The following DPAGT1 variants were observed in gnomAD, a reference collection of about 807,000 sequenced individuals.
DPAGT1 encodes dolichyl-phosphate N-acetylglucosaminephosphotransferase 1.
DPAGT1 carries 25 observed loss-of-function variants against 39.3 expected under a neutral mutation model. That is an observed-to-expected ratio of 0.64 (90% CI 0.46 to 0.89). The LOEUF (loss-of-function observed/expected upper bound fraction) is 0.89. Ranked by LOEUF, DPAGT1 falls within the 40% of genes least tolerant of loss-of-function variation. The pLI is 0.00. For synonymous variants in DPAGT1, 193 were observed against 201.4 expected (o/e 0.96, Z 0.36); for missense variants, 381 against 500.6 (o/e 0.76, Z 2.28).
downstream of DPAGT1, chr11:119,094,773 G>T: frequency 1.6e-6 from 1 of 613,440 alleles, no homozygotes; most frequent in Non-Finnish European, 2.7e-6. Flanking sequence ...CGGGACGGGA[G>T]CGGGGGCGGG....
downstream of DPAGT1, among the ~76,000 whole-genome samples, chr11:119,096,060 G>A (rs1946387119): frequency 6.6e-6 from 1 of 152,070 alleles, no homozygotes; most frequent in African/African-American, 2.4e-5. Flanking sequence ...CGAACTCCTG[G>A]GTTCAAGGAA....
At chr11:119,098,376 T>C in intron 5 of DPAGT1, 27 bp downstream of exon 5, 1 of 1,606,958 alleles carries the variant, frequency 6.2e-7, no homozygotes, top group Non-Finnish European at 8.5e-7. Context: ...TTCAGGTAGT[T>C]GTCCCCTTAT....
chr11:119,100,658 G>GC lies in DPAGT1; in HGVS notation c.467dup (p.Ile158AspfsTer34), dbSNP rs748732395. On this transcript the variant is annotated frameshift_variant, in exon 3 of 9. Transcript: ENST00000354202. LOFTEE classifies it high-confidence loss of function. ...AGTCCAGATGCAGGCCAAGTATCGGGCGGAAGGGCTTGGGCACCACAATGG... is the reference window on the plus strand; with the variant it reads ...AGTCCAGATGCAGGCCAAGTATCGGGCCGGAAGGGCTTGGGCACCACAATGG... 3 of 1,614,130 alleles carry GC rather than the reference G, an allele frequency of 1.9e-6. No individual in the cohort carries two copies. The South Asian group carries it at 3.3e-5, about 18-fold the overall frequency.
chr11:119,097,689 G>T lies in DPAGT1; in HGVS notation c.918-138C>A. The T allele has an allele frequency of 7.1e-7, 1 of 1,407,612 alleles. No individual in the cohort carries two copies. The highest frequency in any genetic ancestry group is 2.3e-5 in the East Asian group (1 of 43,852). 87.2% of individuals were successfully genotyped at this position (1,407,612 alleles called of 1,614,324 possible). A position where few individuals can be genotyped will look rare whatever the true frequency, so the allele number is the denominator to read the frequency against. On this transcript the variant is annotated intron_variant, in intron 6 of 8. Coordinates refer to ENST00000354202, the MANE Select transcript of DPAGT1 (RefSeq NM_001382.4). The surrounding 1 kb of genome is among the most constrained non-coding windows in gnomAD (Gnocchi z 4.6). ...GCTGCTTACTGTTATCAGAACCACTGTAGCAGATTATGCAAATAAATGTGC... is the reference window on the plus strand; with the variant it reads ...GCTGCTTACTGTTATCAGAACCACTTTAGCAGATTATGCAAATAAATGTGC...
Position 119,100,671 on chromosome 11 carries a change from G to A in DPAGT1, c.455C>T (p.Pro152Leu). 1 of 1,614,142 alleles carries A rather than the reference G, an allele frequency of 6.2e-7. No individual in the cohort carries two copies. Among genetic ancestry groups the A allele is most frequent in the Non-Finnish European group, 8.5e-7 (1 of 1,180,022 alleles). The part of the protein sequence containing the change: ...TNFGNTTIVV[P>L]KPFRPILGLH... ...GCCAAGTATCGGGCGGAAGGGCTTG[G>A]GCACCACAATGGTCGTGTTGCCAAA... Residue 152 changes from proline to leucine, a missense_variant, in exon 3 of 9, where the codon CCC becomes CTC. Physicochemically the swap from Pro to Leu is moderately conservative, Grantham distance 98. Coordinates refer to ENST00000354202, the MANE Select transcript of DPAGT1 (RefSeq NM_001382.4).
rs777530944 is a variant in DPAGT1, at chr11:119,097,277, C to T, written c.1026G>A (p.Leu342=). ...CAGTCTCACTCTGGTGTACTGTCACCAGCTGGAGGCTCTCTGCCACCTGGA... is the reference window on the plus strand; with the variant it reads ...CAGTCTCACTCTGGTGTACTGTCACTAGCTGGAGGCTCTCTGCCACCTGGA... ...FILKVAESLQ[L]VTVHQSETED... The change falls in exon 8 of 9, where the codon CTG becomes CTA. Residue 342 remains leucine (L), a synonymous_variant. Transcript: ENST00000354202. This position sits in a 1 kb window ranked among gnomAD's most constrained non-coding sequence, Gnocchi z 4.6. The T allele has an allele frequency of 4.3e-6, 7 of 1,614,072 alleles. No homozygotes were observed. Among genetic ancestry groups the T allele is most frequent in the African/African-American group, 4.0e-5 (3 of 74,904 alleles).
rs756625547 is a variant in DPAGT1 at position 119,097,950 on chromosome 11, G to A, written c.822C>T (p.Thr274=). ...VVGILGHFSK[T]MLLFFMPQVF... ...CCTGGGGCATGAAGAATAGTAGCATGGTCTTGCTGAAGTGTCCCAAGATGC... is the reference window on the plus strand; with the variant it reads ...CCTGGGGCATGAAGAATAGTAGCATAGTCTTGCTGAAGTGTCCCAAGATGC... Residue 274 remains threonine (T), a synonymous_variant, in exon 6 of 9, where the codon ACC becomes ACT. Coordinates refer to ENST00000354202, the MANE Select transcript of DPAGT1 (RefSeq NM_001382.4). The surrounding 1 kb of genome is among the most constrained non-coding windows in gnomAD (Gnocchi z 4.6). The A allele has an allele frequency of 2.3e-5, 37 of 1,614,204 alleles. No individual in the cohort carries two copies. In the South Asian group the frequency reaches 3.6e-4, roughly 16 times the overall value.
At chr11:119,100,469 T>A in intron 3 of DPAGT1, 61 bp from the exon 4 acceptor site, 1 of 1,613,048 alleles carries the variant, frequency 6.2e-7, no homozygotes, top group Non-Finnish European at 8.5e-7. Flanking sequence ...ATTTAAGAAT[T>A]TTTAGAAAAG....
rs934825511 is a variant in DPAGT1, at chr11:119,101,684, G to A, written c.-29C>T. ...GACCGGTCAGGGGCCCGGCTCCGCC[G>A]CCTCTTCAGGTAACGGGCAAGCTGA... On this transcript the variant is annotated 5_prime_UTR_variant, in exon 1 of 9. Transcript: ENST00000354202. The A allele has an allele frequency of 9.9e-6, 16 of 1,613,964 alleles. No individual in the cohort carries two copies. The East Asian group carries it at 3.6e-4, about 36-fold the overall frequency.
rs1384208152 is a variant in DPAGT1 at position 119,101,486 on chromosome 11, G to T, written c.161+9C>A. The T allele has an allele frequency of 6.2e-7, 1 of 1,613,986 alleles. No homozygotes were observed. The highest frequency in any genetic ancestry group is 2.2e-5 in the East Asian group (1 of 44,884). ...TGCCCCCTGCCCGGACCCGTGTGCC[G>T]CTGCTCACATCTGCTGTCGGCTGGT... On this transcript the variant is annotated intron_variant, in intron 1 of 8. Coordinates refer to ENST00000354202, the MANE Select transcript of DPAGT1 (RefSeq NM_001382.4).
intron 1 of DPAGT1, 145 bp downstream of exon 1, chr11:119,101,350 T>G: frequency 6.6e-7 from 1 of 1,515,488 alleles, no homozygotes; most frequent in Non-Finnish European, 9.1e-7. Context: ...GCGAGTAAGT[T>G]CTGCTCATCA....
At chr11:119,095,480 G>A, downstream of DPAGT1, 8 of 1,393,656 alleles carry the variant, frequency 5.7e-6, no homozygotes, top group Non-Finnish European at 6.6e-6. Flanking sequence ...CGCGCGCGCC[G>A]CGAGGCCGCC....
chr11:119,094,829 G>A (rs1946362875), downstream of DPAGT1: 6 of 958,782 alleles, frequency 6.3e-6, no homozygotes, highest in Admixed American at 1.2e-4. Flanking sequence ...GGGAGGGGAG[G>A]GGAAGGGAGC....
rs387907245 is a variant in DPAGT1, at chr11:119,097,981, A to C, written c.791T>G (p.Val264Gly). Residue 264 changes from valine (V) to glycine (G), a missense_variant, in exon 6 of 9, where the codon GTG (valine) becomes GGG (glycine). Transcript: ENST00000354202. The surrounding 1 kb of genome is among the most constrained non-coding windows in gnomAD (Gnocchi z 4.6). ...GCTGAAGTGTCCCAAGATGCCCACCACGGCAAAGGTCATGCCAGCAAAGTA... is the reference window on the plus strand; with the variant it reads ...GCTGAAGTGTCCCAAGATGCCCACCCCGGCAAAGGTCATGCCAGCAAAGTA... ...FCYFAGMTFA[V>G]VGILGHFSKT... 3.1e-6 allele frequency: 5 copies of C among 1,614,212 alleles called. No homozygotes were observed. The highest frequency in any genetic ancestry group is 3.3e-5 in the Admixed American group (2 of 60,014).
chr11:119,093,951 G>T (rs28990981), downstream of DPAGT1: 1,437 of 154,748 alleles, frequency 9.3e-3, 22 homozygotes, highest in African/African-American at 0.033. Context: ...TCGTGGAAGG[G>T]TTAGCTGCAG....
downstream of DPAGT1, chr11:119,095,088 T>C: frequency 6.2e-7 from 1 of 1,613,912 alleles, no homozygotes; most frequent in Non-Finnish European, 8.5e-7. Flanking sequence ...CCCTGGGCGA[T>C]CGTCACGCCG....
downstream of DPAGT1, among the ~76,000 whole-genome samples, chr11:119,096,199 C>T (rs1946390805): frequency 1.3e-5 from 2 of 152,156 alleles, no homozygotes; most frequent in African/African-American, 2.4e-5. Flanking sequence ...TGGGCTCAGG[C>T]AATCCTCCTG....
At chr11:119,100,194 CAA>C in intron 4 of DPAGT1, 66 bp downstream of exon 4, 1 of 1,611,044 alleles carries the variant, frequency 6.2e-7, no homozygotes, top group Non-Finnish European at 8.5e-7. Flanking sequence ...CTGAATTTCC[CAA>C]AGTCATATAT....
downstream of DPAGT1, chr11:119,094,047 T>C (rs1946351469): frequency 6.6e-6 from 1 of 152,544 alleles, no homozygotes; most frequent in Non-Finnish European, 1.5e-5. Flanking sequence ...GATTGCCGAG[T>C]TGAGTTTGCT....
Sources: allele counts gnomAD v4.1 joint callset (sites outside exome capture counted in the v4.1 genomes callset), GRCh38; gene constraint gnomAD v4.1.1; non-coding constraint Gnocchi (gnomAD v3.1); transcripts MANE v1.5; gene names NCBI Gene and HGNC (gene_info 2026-07-23, HGNC 2026-07-21).